The following OXCT1 variants were observed in gnomAD, a reference collection of about 807,000 sequenced individuals.
OXCT1 encodes the protein succinyl-CoA:3-ketoacid coenzyme A transferase 1, mitochondrial.
A neutral mutation model predicts 69.6 loss-of-function variants in OXCT1; 27 were observed. The ratio of observed to expected loss-of-function variants is 0.39; its 90% CI spans 0.29 to 0.54. OXCT1 has a LOEUF of 0.54. OXCT1 is among the 20% of genes least tolerant of loss of function. The pLI, the probability that OXCT1 is intolerant of heterozygous loss-of-function variation, is 0.72. For synonymous variants in OXCT1, 202 were observed against 217.8 expected (o/e 0.93, Z 0.64); for missense variants, 437 against 650.2 (o/e 0.67, Z 3.57).
intron 12 of OXCT1, chr5:41,794,459 C>T (rs1746080035): frequency 1.6e-6 from 1 of 610,556 alleles, no homozygotes; most frequent in Non-Finnish European, 2.9e-6. Flanking sequence ...GGCACAAAGG[C>T]ATGGATTCCA....
intron 11 of OXCT1, among the ~76,000 whole-genome samples, chr5:41,795,737 A>G (rs1289309650): frequency 6.6e-6 from 1 of 152,172 alleles, no homozygotes; most frequent in Non-Finnish European, 1.5e-5. Flanking sequence ...CTCACTACAA[A>G]AAAAGGTAAC....
chr5:41,746,578 T>C (rs1037916918), intron 15 of OXCT1, among the ~76,000 whole-genome samples: 48 of 152,150 alleles, frequency 3.2e-4, no homozygotes, highest in Non-Finnish European at 4.7e-4. Flanking sequence ...CAGACGTAGA[T>C]GCTCTTCTCT....
chr5:41,801,737 A>T (rs1311666949), intron 10 of OXCT1, among the ~76,000 whole-genome samples: 1 of 152,100 alleles, frequency 6.6e-6, no homozygotes, highest in Non-Finnish European at 1.5e-5. Context: ...CTAAGTTTTG[A>T]TATACTTATG....
intron 13 of OXCT1, among the ~76,000 whole-genome samples, chr5:41,774,565 G>A (rs2112152919): frequency 6.6e-6 from 1 of 152,284 alleles, no homozygotes; most frequent in South Asian, 2.1e-4. Flanking sequence ...ACCTGAAAGA[G>A]CTCCCAATGG....
intron 13 of OXCT1, among the ~76,000 whole-genome samples, chr5:41,788,854 C>G (rs2112210006): frequency 6.6e-6 from 1 of 152,232 alleles, no homozygotes. Flanking sequence ...GGAACAGTCA[C>G]TAAAATAGCC....
At chr5:41,806,526 T>C (rs1308686418) in intron 8 of OXCT1, among the ~76,000 whole-genome samples, 1 of 152,084 alleles carries the variant, frequency 6.6e-6, no homozygotes, top group African/African-American at 2.4e-5. Context: ...AGATCCCTTA[T>C]GAATTGGCTT....
intron 13 of OXCT1, among the ~76,000 whole-genome samples, chr5:41,784,696 C>T (rs2112193755): frequency 6.6e-6 from 1 of 152,282 alleles, no homozygotes; most frequent in East Asian, 1.9e-4. Context: ...TCTATAATAA[C>T]AGGAATATTT....
At position 41,870,410 on chromosome 5, in the gene OXCT1, G is replaced by T. The variant is rs1234127039; in HGVS notation, c.-52C>A. On this transcript the variant is annotated 5_prime_UTR_variant, in exon 1 of 17. Coordinates refer to ENST00000196371, the MANE Select transcript of OXCT1 (RefSeq NM_000436.4). The surrounding 1 kb of genome is among the most constrained non-coding windows in gnomAD (Gnocchi z 4.2). The stretch of plus-strand genomic sequence containing the variant: ...TGCGGGTTGGAGCGCGCGTTTGAGC[G>T]TCGGTGCGCGACTGCGAAGGAAACC... 7.2e-7 allele frequency: 1 copy of T among 1,388,956 alleles called. No homozygotes were observed. The allele number at this position is 1,388,956 out of a possible 1,614,324, so 86.0% of individuals were successfully genotyped here.
intron 7 of OXCT1, among the ~76,000 whole-genome samples, chr5:41,827,238 A>G (rs577197416): frequency 1.3e-5 from 2 of 152,302 alleles, no homozygotes; most frequent in East Asian, 3.9e-4. Flanking sequence ...TCAGATTTTT[A>G]TAATTCCTAC....
intron 7 of OXCT1, among the ~76,000 whole-genome samples, chr5:41,821,877 A>G (rs890061539): frequency 6.6e-6 from 1 of 152,198 alleles, no homozygotes; most frequent in Non-Finnish European, 1.5e-5. Flanking sequence ...CTCCCAAACC[A>G]GAGTTTGTCA....
At chr5:41,838,781 G>A (rs1455374723) in intron 7 of OXCT1, among the ~76,000 whole-genome samples, 3 of 152,030 alleles carry the variant, frequency 2.0e-5, no homozygotes, top group Admixed American at 1.3e-4. Context: ...ATGCCACCAC[G>A]TCTGGCTAAT....
intron 7 of OXCT1, among the ~76,000 whole-genome samples, chr5:41,824,699 A>C (rs1270593783): frequency 1.3e-5 from 2 of 152,228 alleles, no homozygotes; most frequent in African/African-American, 2.4e-5. Context: ...TGTCTTTCAG[A>C]TTCTACTTAA....
intron 11 of OXCT1, among the ~76,000 whole-genome samples, chr5:41,796,185 C>A (rs955247425): frequency 2.0e-5 from 3 of 152,154 alleles, no homozygotes; most frequent in African/African-American, 7.2e-5. Context: ...TTTTCAAGGT[C>A]ATCTACTCCC....
chr5:41,847,738 G>A (rs889381807), intron 5 of OXCT1, among the ~76,000 whole-genome samples: 1 of 152,118 alleles, frequency 6.6e-6, no homozygotes, highest in African/African-American at 2.4e-5. Flanking sequence ...AACCCTTCAT[G>A]CTAAAAACTC....
At chr5:41,850,631 T>C (rs1056457473) in intron 4 of OXCT1, among the ~76,000 whole-genome samples, 6 of 152,218 alleles carry the variant, frequency 3.9e-5, no homozygotes, top group African/African-American at 1.4e-4. Context: ...TAGAGCTTAT[T>C]TTAAACCATT....
chr5:41,794,642 C>T (rs1561082082), intron 12 of OXCT1, 35 bp downstream of exon 12: 2 of 1,579,830 alleles, frequency 1.3e-6, no homozygotes, highest in East Asian at 2.2e-5. Context: ...TCATTCCATA[C>T]TGTCTGAAAC....
chr5:41,805,511 A>G (rs564436204), intron 9 of OXCT1, 56 bp downstream of exon 9: 1 of 1,144,294 alleles, frequency 8.7e-7, no homozygotes, highest in African/African-American at 1.5e-5. Flanking sequence ...TAGCCTGATC[A>G]ATATGGGAAA....
chr5:41,799,840 T>C (rs1746346293), intron 11 of OXCT1, among the ~76,000 whole-genome samples: 1 of 152,222 alleles, frequency 6.6e-6, no homozygotes, highest in Admixed American at 6.5e-5. Flanking sequence ...ACTCCAAAAA[T>C]TCTAAGTATC....
intron 5 of OXCT1, among the ~76,000 whole-genome samples, chr5:41,846,237 C>A (rs1214920394): frequency 6.7e-6 from 1 of 149,018 alleles, no homozygotes; most frequent in Non-Finnish European, 1.5e-5. Flanking sequence ...CCCACTAACT[C>A]GTCATCTAGC....
Sources: gnomAD v4.1 joint callset for allele counts (sites outside exome capture counted in the v4.1 genomes callset) on GRCh38, gnomAD v4.1.1 for gene constraint, Gnocchi (gnomAD v3.1) non-coding constraint, MANE v1.5 for transcripts, NCBI Gene and HGNC (gene_info 2026-07-23, HGNC 2026-07-21) for gene names.